The following DLG2 variants were observed in gnomAD, a reference collection of about 807,000 sequenced individuals.
DLG2 encodes discs large MAGUK scaffold protein 2, also known as disks large homolog 2.
A neutral mutation model predicts 132.5 loss-of-function variants in DLG2; 45 were observed. That is an observed-to-expected ratio of 0.34 (90% CI 0.27 to 0.44). The LOEUF is 0.44. DLG2 is among the 20% of genes least tolerant of loss of function. DLG2 has a pLI of 1.00. For missense variants in DLG2, 1,045 were observed against 1,196.9 expected, an observed-to-expected ratio of 0.87 and a Z score of 1.87; for synonymous variants, 424 against 419.6, an observed-to-expected ratio of 1.01 and a Z score of -0.13.
chr11:83,753,726 T>C (rs1053913806), intron 18 of DLG2, among the ~76,000 whole-genome samples: 3 of 137,970 alleles, frequency 2.2e-5, no homozygotes, highest in Non-Finnish European at 4.6e-5. Flanking sequence ...ATATAGACAC[T>C]ATATATATGA....
intron 6 of DLG2, among the ~76,000 whole-genome samples, chr11:84,582,744 T>G (rs1021443379): frequency 6.6e-6 from 1 of 152,066 alleles, no homozygotes; most frequent in African/African-American, 2.4e-5. Flanking sequence ...CTTCCTACTA[T>G]AGAAAAGACT....
chr11:83,790,925 C>T, intron 17 of DLG2: 1 of 923,726 alleles, frequency 1.1e-6, no homozygotes, highest in Non-Finnish European at 1.7e-6. Context: ...GAATGTAGTC[C>T]TGAGGCAGAA....
chr11:85,191,164 A>ACGCGCG (rs1411375137), intron 4 of DLG2, among the ~76,000 whole-genome samples: 1 of 91,120 alleles, frequency 1.1e-5, no homozygotes, highest in African/African-American at 4.4e-5. Flanking sequence ...GCACGCGCGC[A>ACGCGCG]CACACACACA....
chr11:84,185,525 G>T (rs1027399436), intron 8 of DLG2, among the ~76,000 whole-genome samples: 2 of 152,072 alleles, frequency 1.3e-5, no homozygotes, highest in Admixed American at 6.6e-5. Flanking sequence ...AAACAGGGAC[G>T]ATTTGACTTC....
At chr11:84,645,392 T>A (rs1320070467) in intron 6 of DLG2, among the ~76,000 whole-genome samples, 1 of 152,232 alleles carries the variant, frequency 6.6e-6, no homozygotes, top group African/African-American at 2.4e-5. Flanking sequence ...TGTAGATCAC[T>A]TGTCCTGAAA....
intron 3 of DLG2, among the ~76,000 whole-genome samples, chr11:85,473,388 A>G (rs762508317): frequency 7.9e-5 from 12 of 152,244 alleles, no homozygotes; most frequent in Non-Finnish European, 1.5e-4. Context: ...TAATTATTCA[A>G]AAGCAGAAGG....
At chr11:83,808,133 CT>C (rs1329959107) in intron 17 of DLG2, among the ~76,000 whole-genome samples, 2 of 152,242 alleles carry the variant, frequency 1.3e-5, no homozygotes, top group South Asian at 4.2e-4. Context: ...AAACAGCCCC[CT>C]CCAGGCATAC....
chr11:84,795,341 C>A (rs773777692), intron 6 of DLG2, among the ~76,000 whole-genome samples: 3 of 151,930 alleles, frequency 2.0e-5, no homozygotes, highest in Non-Finnish European at 4.4e-5. Context: ...AACCTACCTG[C>A]GGACAGGAGC....
chr11:84,819,744 C>T (rs1410851184), intron 6 of DLG2, among the ~76,000 whole-genome samples: 1 of 151,792 alleles, frequency 6.6e-6, no homozygotes, highest in Non-Finnish European at 1.5e-5. Context: ...AGCACATGCC[C>T]AGATTTAGCC....
intron 21 of DLG2, chr11:83,486,361 A>AAAATT: frequency 1.7e-6 from 1 of 574,660 alleles, no homozygotes; most frequent in Non-Finnish European, 3.1e-6. Flanking sequence ...CAAAAAAAAA[A>AAAATT]AATTACACAT....
chr11:85,241,069 T>C (rs1256554260), intron 4 of DLG2, among the ~76,000 whole-genome samples: 1 of 151,796 alleles, frequency 6.6e-6, no homozygotes, highest in Non-Finnish European at 1.5e-5. Flanking sequence ...ATATTATTAA[T>C]GCTTTTTAAT....
At chr11:83,473,820 G>A (rs1361328610) in intron 22 of DLG2, among the ~76,000 whole-genome samples, 1 of 152,096 alleles carries the variant, frequency 6.6e-6, no homozygotes, top group Non-Finnish European at 1.5e-5. Context: ...AACAGCCACA[G>A]CACCACAGAA....
At chr11:84,062,905 T>C (rs2096614130) in intron 10 of DLG2, among the ~76,000 whole-genome samples, 1 of 152,130 alleles carries the variant, frequency 6.6e-6, no homozygotes, top group Non-Finnish European at 1.5e-5. Context: ...AAAATTAATT[T>C]GCTCTCTTTA....
intron 19 of DLG2, among the ~76,000 whole-genome samples, chr11:83,620,869 C>CAAAAAAAAAAAAAAA (rs56868518): frequency 7.0e-5 from 4 of 57,216 alleles, no homozygotes; most frequent in African/African-American, 3.0e-4. Context: ...GACTCCGTCT[C>CAAAAAAAAAAAAAAA]AAAAAAAAAA....
At chr11:84,703,114 G>T (rs963817903) in intron 6 of DLG2, among the ~76,000 whole-genome samples, 3 of 151,534 alleles carry the variant, frequency 2.0e-5, no homozygotes, top group Non-Finnish European at 3.0e-5. Flanking sequence ...CTTAAAAGGG[G>T]CTTACCTTAT....
intron 3 of DLG2, among the ~76,000 whole-genome samples, chr11:85,464,084 T>C (rs981625589): frequency 6.6e-6 from 1 of 150,804 alleles, no homozygotes; most frequent in Non-Finnish European, 1.5e-5. Context: ...TACAAGGTGC[T>C]ATATCATTTG....
intron 6 of DLG2, among the ~76,000 whole-genome samples, chr11:84,641,678 C>A (rs554277718): frequency 3.8e-4 from 58 of 152,034 alleles, no homozygotes; most frequent in Admixed American, 2.9e-3. Context: ...AACTCTGGCT[C>A]AATTCTACTT....
At chr11:84,722,352 A>G (rs1001232825) in intron 6 of DLG2, among the ~76,000 whole-genome samples, 2 of 152,306 alleles carry the variant, frequency 1.3e-5, no homozygotes, top group Middle Eastern at 3.4e-3. Context: ...TCCGAAACTA[A>G]TAAGAGCCTC....
At chr11:83,842,418 A>G (rs2057761814) in intron 16 of DLG2, among the ~76,000 whole-genome samples, 1 of 149,848 alleles carries the variant, frequency 6.7e-6, no homozygotes, top group Admixed American at 6.7e-5. Flanking sequence ...ACATGGTGAA[A>G]CCCCATCTCT....
Sources: gnomAD v4.1 joint callset for allele counts (sites outside exome capture counted in the v4.1 genomes callset) on GRCh38, gnomAD v4.1.1 for gene constraint, MANE v1.5 for transcripts, NCBI Gene and HGNC (gene_info 2026-07-23, HGNC 2026-07-21) for gene names.